RPTOR: variants seen among roughly 807,000 people sequenced by gnomAD.
The protein encoded by RPTOR is regulatory-associated protein of mTOR.
A neutral mutation model predicts 169.9 loss-of-function variants in RPTOR; 21 were observed. The ratio of observed to expected loss-of-function variants is 0.12; its 90% confidence interval spans 0.09 to 0.18. The LOEUF (loss-of-function observed/expected upper bound fraction) is 0.18. Among genes scored for constraint, RPTOR ranks in the 10% least tolerant of loss-of-function variants. The pLI is 1.00. For synonymous variants in RPTOR, 732 were observed against 753.2 expected, an observed-to-expected ratio of 0.97 and a Z score of 0.46; for missense variants, 1,133 against 1,855.9, an observed-to-expected ratio of 0.61 and a Z score of 7.16.
At chr17:80,815,475 A>G (rs529079775) in intron 7 of RPTOR, among the ~76,000 whole-genome samples, 48 of 152,368 alleles carry the variant, frequency 3.2e-4, no homozygotes, top group South Asian at 6.2e-4. Flanking sequence ...TTTCCTGCCA[A>G]GGGCCCAGCC....
At chr17:80,813,191 C>G (rs1017020995) in intron 7 of RPTOR, among the ~76,000 whole-genome samples, 2 of 152,192 alleles carry the variant, frequency 1.3e-5, no homozygotes, top group African/African-American at 4.8e-5. Context: ...ATATTGGGCA[C>G]TGTGTAGTGA....
chr17:80,734,001 C>T (rs1484315824), intron 5 of RPTOR, among the ~76,000 whole-genome samples: 3 of 152,142 alleles, frequency 2.0e-5, no homozygotes, highest in South Asian at 2.1e-4. Context: ...GATTGTCTTT[C>T]GTTCTCTGAC....
chr17:80,957,831 C>T lies in RPTOR; in HGVS notation c.3477+101C>T, dbSNP rs916160674. On this transcript the variant is annotated intron_variant, in intron 29 of 33. Coordinates refer to ENST00000306801, the MANE Select transcript of RPTOR (RefSeq NM_020761.3). The surrounding 1 kb of genome is among the most constrained non-coding windows in gnomAD (Gnocchi z 4.6). The stretch of plus-strand genomic sequence containing the variant: ...AGCAAAGTGTGCGGTGAGGCCTGGC[C>T]ATCCCAGGGGTGGAGTCAGGGCCTG... 1.6e-5 allele frequency: 17 copies of T among 1,084,352 alleles called. No individual in the cohort carries two copies. In the African/African-American group the frequency reaches 2.3e-4, roughly 15 times the overall value. 67.2% of individuals were successfully genotyped at this position (1,084,352 alleles called of 1,614,324 possible).
chr17:80,744,263 T>G (rs867284143), intron 5 of RPTOR, among the ~76,000 whole-genome samples: 2 of 96,972 alleles, frequency 2.1e-5, no homozygotes, highest in African/African-American at 9.5e-5. Flanking sequence ...TCCTGGCTAC[T>G]AGCACAGCCC....
At chr17:80,581,167 T>G (rs2065010257) in intron 1 of RPTOR, among the ~76,000 whole-genome samples, 1 of 152,206 alleles carries the variant, frequency 6.6e-6, no homozygotes, top group Non-Finnish European at 1.5e-5. Context: ...GACTCGTGAT[T>G]TACTCCAATC....
Position 80,947,086 on chromosome 17 carries a change from G to T in RPTOR, c.3141-141G>T. Reference sequence around the variant, plus strand: ...CCTGCTTCAGCCTCCCAAGTAGCTAGGATGACAGGTGTGAGCCGCCGTGCC... The same window carrying T: ...CCTGCTTCAGCCTCCCAAGTAGCTATGATGACAGGTGTGAGCCGCCGTGCC... On this transcript the variant is annotated intron_variant, in intron 26 of 33. Transcript: ENST00000306801. This position sits in a 1 kb window ranked among gnomAD's most constrained non-coding sequence, Gnocchi z 4.4. 1 of 739,110 alleles carries T rather than the reference G, an allele frequency of 1.4e-6. No homozygotes were observed. The highest frequency in any genetic ancestry group is 2.0e-6 in the Non-Finnish European group (1 of 490,074). The allele number at this position is 739,110 out of a possible 1,614,324, so 45.8% of individuals were successfully genotyped here.
At chr17:80,621,503 AGAG>A (rs2065354243) in intron 1 of RPTOR, among the ~76,000 whole-genome samples, 1 of 151,812 alleles carries the variant, frequency 6.6e-6, no homozygotes, top group African/African-American at 2.4e-5. Context: ...CCCGAGACGC[AGAG>A]GAGGAAGCAG....
chr17:80,679,669 A>G (rs774908519), intron 3 of RPTOR, among the ~76,000 whole-genome samples: 16 of 152,264 alleles, frequency 1.1e-4, no homozygotes, highest in Non-Finnish European at 2.1e-4. Flanking sequence ...GCAGGTTGTG[A>G]AAAAGTAAAC....
chr17:80,907,525 C>G (rs2068558436), intron 20 of RPTOR, among the ~76,000 whole-genome samples: 1 of 152,266 alleles, frequency 6.6e-6, no homozygotes, highest in South Asian at 2.1e-4. Flanking sequence ...CCTTCTCGGC[C>G]TCTCTGGGTC....
At chr17:80,954,916 C>CA (rs531519811) in intron 28 of RPTOR, among the ~76,000 whole-genome samples, 3 of 148,694 alleles carry the variant, frequency 2.0e-5, no homozygotes, top group East Asian at 2.0e-4. Flanking sequence ...GACTACATCT[C>CA]AAAAAAAAAG....
At chr17:80,856,020 C>T (rs913586617) in intron 12 of RPTOR, among the ~76,000 whole-genome samples, 1 of 152,100 alleles carries the variant, frequency 6.6e-6, no homozygotes, top group Non-Finnish European at 1.5e-5. Flanking sequence ...TAGTAATGGC[C>T]ACTAAAAACA....
At chr17:80,604,205 T>G (rs2065211869) in intron 1 of RPTOR, among the ~76,000 whole-genome samples, 1 of 152,206 alleles carries the variant, frequency 6.6e-6, no homozygotes, top group Admixed American at 6.5e-5. Context: ...ATAATACAGT[T>G]GTAGTCACAA....
chr17:80,689,334 C>T (rs1455104180), intron 3 of RPTOR, among the ~76,000 whole-genome samples: 1 of 152,204 alleles, frequency 6.6e-6, no homozygotes, highest in Non-Finnish European at 1.5e-5. Flanking sequence ...CCATGCACTC[C>T]CCCGTGGGAA....
At chr17:80,802,057 T>C (rs1255851457) in intron 7 of RPTOR, 1 of 152,174 alleles carries the variant, frequency 6.6e-6, no homozygotes, top group East Asian at 1.9e-4. Flanking sequence ...TCCGGATTGG[T>C]AGGGGTGGAG....
intron 1 of RPTOR, among the ~76,000 whole-genome samples, chr17:80,590,275 G>A (rs968954733): frequency 5.4e-5 from 8 of 147,184 alleles, no homozygotes; most frequent in African/African-American, 7.6e-5. Flanking sequence ...GCACACATGC[G>A]TGCACACAGT....
At chr17:80,685,207 C>T (rs1438428893) in intron 3 of RPTOR, among the ~76,000 whole-genome samples, 1 of 105,792 alleles carries the variant, frequency 9.5e-6, no homozygotes, top group Non-Finnish European at 1.8e-5. Context: ...TCGCTTGTTG[C>T]GTTTTCAGTG....
At position 80,823,387 on chromosome 17, in the gene RPTOR, C is replaced by A; in HGVS notation, c.1136+164C>A. The A allele has an allele frequency of 1.2e-6, 1 of 860,828 alleles. No individual in the cohort carries two copies. Among genetic ancestry groups the A allele is most frequent in the Non-Finnish European group, 1.7e-6 (1 of 579,926 alleles). 53.3% of individuals were successfully genotyped at this position (860,828 alleles called of 1,614,324 possible). On this transcript the variant is annotated intron_variant, in intron 9 of 33. Coordinates refer to ENST00000306801, the MANE Select transcript of RPTOR (RefSeq NM_020761.3). The surrounding 1 kb of genome is among the most constrained non-coding windows in gnomAD (Gnocchi z 4.5). ...AATGCAGGGCTCCCAGAGATCTCCACACAGAGGAGTGGGGGTCTCCTTCAG... is the reference window on the plus strand; with the variant it reads ...AATGCAGGGCTCCCAGAGATCTCCAAACAGAGGAGTGGGGGTCTCCTTCAG...
intron 7 of RPTOR, chr17:80,804,352 T>C (rs1450688276): frequency 6.6e-6 from 1 of 152,410 alleles, no homozygotes; most frequent in East Asian, 1.9e-4. Context: ...CCATGGATGA[T>C]GACCCAAACA....
intron 13 of RPTOR, 62 bp downstream of exon 13, chr17:80,857,962 G>A (rs773345529): frequency 1.3e-5 from 17 of 1,304,798 alleles, no homozygotes; most frequent in South Asian, 4.8e-5. Context: ...TGGGGATGCC[G>A]AGCCCTGCGT....
Sources: allele counts gnomAD v4.1 joint callset (sites outside exome capture counted in the v4.1 genomes callset), GRCh38; gene constraint gnomAD v4.1.1; non-coding constraint Gnocchi (gnomAD v3.1); transcripts MANE v1.5; gene names NCBI Gene and HGNC (gene_info 2026-07-23, HGNC 2026-07-21).